The following ZMPSTE24 variants were observed in gnomAD, a reference collection of about 807,000 sequenced individuals.
ZMPSTE24 encodes the protein zinc metallopeptidase STE24, also known as CAAX prenyl protease 1 homolog.
A neutral mutation model predicts 56.7 loss-of-function variants in ZMPSTE24; 48 were observed. The observed-to-expected ratio is 0.85, with a 90% CI of 0.67 to 1.08. The LOEUF is 1.08. Among genes scored for constraint, ZMPSTE24 ranks in the 50% least tolerant of loss-of-function variants. The pLI is 0.00. For missense variants in ZMPSTE24, 503 were observed against 548.7 expected (o/e 0.92, Z 0.83); for synonymous variants, 172 against 195.2 (o/e 0.88, Z 0.99).
intron 6 of ZMPSTE24, among the ~76,000 whole-genome samples, chr1:40,278,559 A>C (rs1479172874): frequency 8.6e-6 from 1 of 116,018 alleles, no homozygotes; most frequent in East Asian, 3.5e-4. Context: ...CTCCGTCTCA[A>C]AAAAAAAAAA....
At chr1:40,269,918 A>T (rs1643596423) in intron 4 of ZMPSTE24, 57 bp from the exon 5 acceptor site, 2 of 1,564,772 alleles carry the variant, frequency 1.3e-6, no homozygotes, top group Non-Finnish European at 8.6e-7. Flanking sequence ...TTTATCAGTT[A>T]TTTTAAAAAG....
rs1057515564 is a variant in ZMPSTE24 at position 40,293,205 on chromosome 1, C to T, written c.*536C>T. 1.3e-5 allele frequency: 2 copies of T among 153,124 alleles called. No individual in the cohort carries two copies. The highest frequency in any genetic ancestry group is 2.4e-5 in the African/African-American group (1 of 41,472). 9.5% of individuals were successfully genotyped at this position (153,124 alleles called of 1,614,324 possible). A position where few individuals can be genotyped will look rare whatever the true frequency, so the allele number is the denominator to read the frequency against. On this transcript the variant is annotated 3_prime_UTR_variant, in exon 10 of 10. Coordinates refer to ENST00000372759, the MANE Select transcript of ZMPSTE24 (RefSeq NM_005857.5). ...AAATGAAAGTAGTTAGAAAAATGCT[C>T]TCCTATTCTACCAAATTTTTAATTT... is the stretch of plus-strand genomic sequence containing the variant.
At chr1:40,285,823 A>G in intron 7 of ZMPSTE24, 102 bp from the exon 8 acceptor site, 1 of 955,436 alleles carries the variant, frequency 1.0e-6, no homozygotes, top group Non-Finnish European at 1.6e-6. Context: ...AACAAAACTG[A>G]TTATTTCTTT....
chr1:40,262,235 T>C (rs969353657), intron 2 of ZMPSTE24, among the ~76,000 whole-genome samples: 1 of 152,188 alleles, frequency 6.6e-6, no homozygotes, highest in African/African-American at 2.4e-5. Context: ...AAGACTAGTG[T>C]GGTTAGATCC....
rs771275725 is a variant in ZMPSTE24 at position 40,272,987 on chromosome 1, A to G, written c.769+952A>G. ...TATAGCGCAAAAGCAGCCATAGACA[A>G]TACTAAACAAATGAGTGTGGCTGTG... On this transcript the variant is annotated intron_variant, in intron 6 of 9. Coordinates refer to ENST00000372759, the MANE Select transcript of ZMPSTE24 (RefSeq NM_005857.5). 3.9e-5 allele frequency among the ~76,000 whole-genome samples: 6 copies of G among 152,228 alleles called. No individual in the cohort carries two copies. In the South Asian group the frequency reaches 1.2e-3, roughly 32 times the overall value.
At position 40,290,450 on chromosome 1, in the gene ZMPSTE24, ATTTT is replaced by A. The variant is rs996301433; in HGVS notation, c.1060-379_1060-376del. Among the ~76,000 whole-genome samples, 49 of 82,584 alleles carry A rather than the reference ATTTT, an allele frequency of 5.9e-4. No homozygotes were observed. The South Asian group carries it at 8.1e-3, about 14-fold the overall frequency. 54.2% of individuals were successfully genotyped at this position (82,584 alleles called of 152,430 possible). A position where few individuals can be genotyped will look rare whatever the true frequency, so the allele number is the denominator to read the frequency against. ...TACCTTTCTTAAAATCACACTATGA[ATTTT>A]TTTTTTTTTTTTTTTTTTTTTTTTG... is the stretch of plus-strand genomic sequence containing the variant. On this transcript the variant is annotated intron_variant, in intron 8 of 9. Coordinates refer to ENST00000372759, the MANE Select transcript of ZMPSTE24 (RefSeq NM_005857.5).
At position 40,258,545 on chromosome 1, in the gene ZMPSTE24, G is replaced by A; in HGVS notation, c.123+151G>A. 18 of 1,409,492 alleles carry A rather than the reference G, an allele frequency of 1.3e-5. 1 individual carries two copies. The South Asian group carries it at 2.0e-4, about 16-fold the overall frequency. The allele number at this position is 1,409,492 out of a possible 1,614,324, so 87.3% of individuals were successfully genotyped here. A position where few individuals can be genotyped will look rare whatever the true frequency, so the allele number is the denominator to read the frequency against. On this transcript the variant is annotated intron_variant, in intron 1 of 9. Transcript: ENST00000372759. ...AGTCTCGTAACTTGGCCCGATGGCG[G>A]ACTGTGGCTTTGAGGAGGGTCTTGG...
At position 40,260,876 on chromosome 1, in the gene ZMPSTE24, A is replaced by G. The variant is rs1168630631; in HGVS notation, c.161A>G (p.Glu54Gly). 6.2e-7 allele frequency: 1 copy of G among 1,614,096 alleles called. No homozygotes were observed. Among genetic ancestry groups the G allele is most frequent in the South Asian group, 1.1e-5 (1 of 91,082 alleles). Residue 54 changes from glutamate (E) to glycine (G), a missense_variant, in exon 2 of 10, where the codon GAG becomes GGG. Transcript: ENST00000372759. ...AAAACAACAACTCATGTACCACCGG[A>G]GTTAGGACAGATCATGGATTCTGAA... The part of the protein sequence containing the change: ...IYKTTTHVPP[E>G]LGQIMDSETF...
At position 40,260,909 on chromosome 1, in the gene ZMPSTE24, A is replaced by C. The variant is rs777770445; in HGVS notation, c.194A>C (p.Glu65Ala). ...CAGATCATGGATTCTGAAACATTTG[A>C]GAAATCTCGACTCTATCAACTGGAT... ...LGQIMDSETFEKSRLYQLDKS... is the reference protein window; with the variant it reads ...LGQIMDSETFAKSRLYQLDKS... Residue 65 changes from glutamate to alanine, a missense_variant, in exon 2 of 10, where the codon GAG becomes GCG. Transcript: ENST00000372759. 7 of 1,614,176 alleles carry C rather than the reference A, an allele frequency of 4.3e-6. No homozygotes were observed. In the Admixed American group the frequency reaches 1.2e-4, roughly 27 times the overall value.
chr1:40,264,543 A>T (rs1201195181), intron 2 of ZMPSTE24, among the ~76,000 whole-genome samples: 1 of 152,122 alleles, frequency 6.6e-6, no homozygotes, highest in African/African-American at 2.4e-5. Context: ...TCTATTAAAT[A>T]GAGATGATTA....
chr1:40,289,257 C>A (rs2144177), intron 8 of ZMPSTE24, among the ~76,000 whole-genome samples: 1 of 152,178 alleles, frequency 6.6e-6, no homozygotes, highest in African/African-American at 2.4e-5. Context: ...AGTGCTTCTG[C>A]GCATAGCAGT....
rs376550125 is a variant in ZMPSTE24, at chr1:40,268,962, G to C, written c.474+427G>C. ...TTGGTGGTGGGCGCCTGTAGTCCCA[G>C]CTACTCGAGAGGCTGAGGCAGGAGA... On this transcript the variant is annotated intron_variant, in intron 4 of 9. Transcript: ENST00000372759. Among the ~76,000 whole-genome samples the C allele has an allele frequency of 8.6e-5, 13 of 151,006 alleles. 1 individual carries two copies. Among genetic ancestry groups the C allele is most frequent in the East Asian group, 3.9e-4 (2 of 5,112 alleles).
chr1:40,268,160 T>G (rs762686175), intron 3 of ZMPSTE24, among the ~76,000 whole-genome samples: 9 of 152,356 alleles, frequency 5.9e-5, no homozygotes, highest in Non-Finnish European at 1.0e-4. Context: ...TCCAGGCTCT[T>G]TATCTTAGGG....
chr1:40,273,537 A>AAAAAAAAT lies in ZMPSTE24; in HGVS notation c.769+1503_769+1504insAAAAAATA, dbSNP rs1224234676. On this transcript the variant is annotated intron_variant, in intron 6 of 9. Transcript: ENST00000372759. ...TGTCTAAAAAAAAAAAAAAAAAAAA[A>AAAAAAAAT]ATATATATATATATATATATATATA... Among the ~76,000 whole-genome samples, 71 of 12,374 alleles carry AAAAAAAAT rather than the reference A, an allele frequency of 5.7e-3. 3 individuals carry two copies. The highest frequency in any genetic ancestry group is 0.01 in the Non-Finnish European group (51 of 5,038). The allele number at this position is 12,374 out of a possible 152,430, so 8.1% of individuals were successfully genotyped here.
intron 5 of ZMPSTE24, 36 bp from the exon 6 acceptor site, chr1:40,271,858 A>G: frequency 1.9e-6 from 3 of 1,609,346 alleles, no homozygotes; most frequent in Non-Finnish European, 2.5e-6. Flanking sequence ...TTCTTTAAGA[A>G]CATGTTCATA....
At chr1:40,269,665 T>C (rs1158626713) in intron 4 of ZMPSTE24, among the ~76,000 whole-genome samples, 1 of 152,078 alleles carries the variant, frequency 6.6e-6, no homozygotes, top group Non-Finnish European at 1.5e-5. Context: ...AGGGTCTCAC[T>C]ATGTTGCCCA....
intron 6 of ZMPSTE24, among the ~76,000 whole-genome samples, chr1:40,273,537 A>AAAAAAAAAAAATATATATATAT (rs1224234676): frequency 8.1e-5 from 1 of 12,386 alleles, no homozygotes; most frequent in African/African-American, 1.8e-4. Flanking sequence ...AAAAAAAAAA[A>AAAAAAAAAAAATATATATATAT]ATATATATAT....
At chr1:40,284,245 C>T (rs1383525165) in intron 7 of ZMPSTE24, among the ~76,000 whole-genome samples, 2 of 151,430 alleles carry the variant, frequency 1.3e-5, no homozygotes, top group Non-Finnish European at 2.9e-5. Context: ...AGTCACCATG[C>T]CTGGCCTTCA....
At chr1:40,274,054 C>T (rs769404833) in intron 6 of ZMPSTE24, among the ~76,000 whole-genome samples, 2 of 152,050 alleles carry the variant, frequency 1.3e-5, no homozygotes, top group African/African-American at 2.4e-5. Context: ...GCATTTCAGA[C>T]GTCAGGCTTC....
Sources: gnomAD v4.1 joint callset for allele counts (sites outside exome capture counted in the v4.1 genomes callset) on GRCh38, gnomAD v4.1.1 for gene constraint, MANE v1.5 for transcripts, NCBI Gene and HGNC (gene_info 2026-07-23, HGNC 2026-07-21) for gene names.